The following CNTRL variants were observed in gnomAD, a reference collection of about 807,000 sequenced individuals.
The protein encoded by CNTRL is 110 kDa centrosomal protein.
CNTRL carries 233 observed loss-of-function variants against 303.7 expected under a neutral mutation model. The observed-to-expected ratio is 0.77, with a 90% CI of 0.69 to 0.86. The LOEUF (loss-of-function observed/expected upper bound fraction) is 0.86, where lower values mean the gene tolerates loss of function less well. CNTRL is among the 40% of genes least tolerant of loss of function. The pLI, the probability that CNTRL is intolerant of heterozygous loss-of-function variation, is 0.00. For missense variants in CNTRL, 2,524 were observed against 2,650.6 expected (o/e 0.95, Z 1.05); for synonymous variants, 900 against 922.2 (o/e 0.98, Z 0.44).
At chr9:121,132,942 G>T (rs2050953050) in intron 14 of CNTRL, among the ~76,000 whole-genome samples, 1 of 152,198 alleles carries the variant, frequency 6.6e-6, no homozygotes, top group Admixed American at 6.5e-5. Flanking sequence ...TCCAGACCCT[G>T]TTTGCCTCGG....
chr9:121,078,850 A>G, intron 1 of CNTRL, among the ~76,000 whole-genome samples: 1 of 152,236 alleles, frequency 6.6e-6, no homozygotes, highest in Admixed American at 6.5e-5. Flanking sequence ...GCAGGTGGGA[A>G]GGGGCGTAGA....
chr9:121,171,567 C>T lies in CNTRL; in HGVS notation c.6417+19C>T, dbSNP rs372102338. ...GAAACAGGTGTGTGCCCAGAAAGCC[C>T]AGCTGGCCAGCCTGGGGAGAGAGGA... On this transcript the variant is annotated intron_variant, in intron 40 of 43. Transcript: ENST00000373855. The T allele has an allele frequency of 5.6e-6, 9 of 1,610,044 alleles. No individual in the cohort carries two copies. The African/African-American group carries it at 1.2e-4, about 22-fold the overall frequency.
In CNTRL at chr9:121,158,823, T is replaced by C. The variant is rs745692511; in HGVS notation, c.4765-32T>C. 5.6e-6 allele frequency: 9 copies of C among 1,608,878 alleles called. No homozygotes were observed. The South Asian group carries it at 9.9e-5, about 18-fold the overall frequency. ...AGCACTGAGGGCTGTATGGCCTTTG[T>C]CAAACTTACTCTTCCCTTTTCTTTA... On this transcript the variant is annotated intron_variant, in intron 30 of 43. Transcript: ENST00000373855.
At chr9:121,132,080 A>G (rs890568489) in intron 14 of CNTRL, among the ~76,000 whole-genome samples, 16 of 152,032 alleles carry the variant, frequency 1.1e-4, no homozygotes, top group Admixed American at 3.3e-4. Context: ...CTTCATGTCA[A>G]CCTTAGGGAA....
At position 121,124,002 on chromosome 9, in the gene CNTRL, T is replaced by C; in HGVS notation, c.1722T>C (p.Leu574=). 6.2e-7 allele frequency: 1 copy of C among 1,613,340 alleles called. No homozygotes were observed. Among genetic ancestry groups the C allele is most frequent in the South Asian group, 1.1e-5 (1 of 90,940 alleles). The part of the protein sequence containing the change: ...LDIMNKQYQQ[L]ESRLDEILSR... ...TTATGAACAAGCAGTACCAACAACTTGAAAGTCGTTTGGATGAGATACTTT... is the reference window on the plus strand; with the variant it reads ...TTATGAACAAGCAGTACCAACAACTCGAAAGTCGTTTGGATGAGATACTTT... The change falls in exon 13 of 44, where the codon CTT becomes CTC. Residue 574 remains leucine (L), a synonymous_variant. Coordinates refer to ENST00000373855, the MANE Select transcript of CNTRL (RefSeq NM_007018.6).
rs1417297853 is a variant in CNTRL, at chr9:121,165,005, T to G, written c.5486T>G (p.Leu1829Trp). Residue 1829 changes from leucine (L) to tryptophan (W), a missense_variant, in exon 35 of 44, where the codon TTG (leucine) becomes TGG (tryptophan). Leu to Trp is a moderately conservative substitution (Grantham distance 61). Transcript: ENST00000373855. ...CAATCAAACTTAGAAAAGTTGGAATTGAATGTCAGAAAACTGCAGCAGGAA... is the reference window on the plus strand; with the variant it reads ...CAATCAAACTTAGAAAAGTTGGAATGGAATGTCAGAAAACTGCAGCAGGAA... ...MEQSNLEKLE[L>W]NVRKLQQELD... 1.9e-6 allele frequency: 3 copies of G among 1,612,056 alleles called. No individual in the cohort carries two copies. Among genetic ancestry groups the G allele is most frequent in the Non-Finnish European group, 2.5e-6 (3 of 1,179,386 alleles).
chr9:121,124,949 A>G (rs988244506), intron 13 of CNTRL, among the ~76,000 whole-genome samples: 4 of 151,236 alleles, frequency 2.6e-5, no homozygotes, highest in African/African-American at 7.3e-5. Context: ...TGTCTGAAAA[A>G]AAAAAAAAAA....
In CNTRL at chr9:121,088,560, T is replaced by A. The variant is rs1214263829; in HGVS notation, c.217+17T>A. The A allele has an allele frequency of 6.5e-7, 1 of 1,544,052 alleles. No homozygotes were observed. The highest frequency in any genetic ancestry group is 8.9e-7 in the Non-Finnish European group (1 of 1,119,758). On this transcript the variant is annotated intron_variant, in intron 3 of 43. Transcript: ENST00000373855. ...ACCATAAAGGTATCACTTTTTAATC[T>A]AAGAATTGGTCTGACCACATACTTC...
intron 4 of CNTRL, 70 bp downstream of exon 4, chr9:121,090,475 A>G (rs2048518497): frequency 2.8e-6 from 4 of 1,414,538 alleles, no homozygotes; most frequent in Non-Finnish European, 3.8e-6. Flanking sequence ...CTGCGAAAAA[A>G]AATTATCCTA....
intron 14 of CNTRL, among the ~76,000 whole-genome samples, chr9:121,128,438 G>A (rs2050663609): frequency 6.6e-6 from 1 of 152,204 alleles, no homozygotes; most frequent in African/African-American, 2.4e-5. Context: ...CTGCATAAAT[G>A]TCTTCTTTTG....
chr9:121,118,645 A>G (rs1198325672), intron 12 of CNTRL, 105 bp downstream of exon 12: 1 of 955,594 alleles, frequency 1.0e-6, no homozygotes, highest in African/African-American at 1.7e-5. Flanking sequence ...TTTTAGTTTG[A>G]TGTACAAATT....
chr9:121,171,225 G>T, intron 39 of CNTRL, 183 bp from the exon 40 acceptor site: 1 of 686,732 alleles, frequency 1.5e-6, no homozygotes. Context: ...AGACTCTGAC[G>T]TGTATATACG....
At chr9:121,100,203 C>G (rs920777161) in intron 7 of CNTRL, among the ~76,000 whole-genome samples, 2 of 152,082 alleles carry the variant, frequency 1.3e-5, no homozygotes, top group African/African-American at 4.8e-5. Flanking sequence ...GACTAACAGC[C>G]GATCTCTTGG....
chr9:121,083,669 A>G (rs905836535), intron 2 of CNTRL, among the ~76,000 whole-genome samples: 4 of 152,262 alleles, frequency 2.6e-5, no homozygotes, highest in Admixed American at 6.5e-5. Context: ...TAGTAAATAC[A>G]TAAGCCAGTA....
At position 121,115,212 on chromosome 9, in the gene CNTRL, C is replaced by G; in HGVS notation, c.1455+12C>G. ...TACAACTAAAAAAGGTATGTAAAAG[C>G]AAAGCAGCAATGCTAAGAGGAAATG... On this transcript the variant is annotated intron_variant, in intron 11 of 43. Coordinates refer to ENST00000373855, the MANE Select transcript of CNTRL (RefSeq NM_007018.6). The G allele has an allele frequency of 1.5e-6, 2 of 1,370,756 alleles. No individual in the cohort carries two copies. 84.9% of individuals were successfully genotyped at this position (1,370,756 alleles called of 1,614,324 possible).
intron 14 of CNTRL, among the ~76,000 whole-genome samples, chr9:121,134,806 G>C (rs2051091372): frequency 6.6e-6 from 1 of 152,110 alleles, no homozygotes; most frequent in Non-Finnish European, 1.5e-5. Flanking sequence ...ATTTTCCCCT[G>C]GTTACTGGAG....
At chr9:121,091,094 G>T (rs1016244636) in intron 4 of CNTRL, among the ~76,000 whole-genome samples, 3 of 152,142 alleles carry the variant, frequency 2.0e-5, no homozygotes, top group Non-Finnish European at 4.4e-5. Flanking sequence ...CTCCCACTGG[G>T]TCCCTCCCAC....
chr9:121,093,783 GA>G (rs2048765105), intron 4 of CNTRL, among the ~76,000 whole-genome samples: 2 of 152,190 alleles, frequency 1.3e-5, no homozygotes, highest in Non-Finnish European at 2.9e-5. Context: ...ATATATGTTG[GA>G]AAATGACTGC....
rs2051488991 is a variant in CNTRL at position 121,141,193 on chromosome 9, TTTC to T, written c.2484-187_2484-185del. Among the ~76,000 whole-genome samples, 4 of 152,316 alleles carry T rather than the reference TTTC, an allele frequency of 2.6e-5. No individual in the cohort carries two copies. The South Asian group carries it at 8.3e-4, about 32-fold the overall frequency. On this transcript the variant is annotated intron_variant, in intron 17 of 43. Transcript: ENST00000373855. ...TTGTTAGCCTGATATGAGCCTATGT[TTTC>T]AGAGTGGCAGCAGTCATTTGATAAA...
Sources: gnomAD v4.1 joint callset for allele counts (sites outside exome capture counted in the v4.1 genomes callset) on GRCh38, gnomAD v4.1.1 for gene constraint, MANE v1.5 for transcripts, NCBI Gene and HGNC (gene_info 2026-07-23, HGNC 2026-07-21) for gene names.